The following ZBTB18 variants were observed in gnomAD, a reference collection of about 807,000 sequenced individuals.
ZBTB18 encodes zinc finger and BTB domain-containing protein 18.
A neutral mutation model predicts 37.7 loss-of-function variants in ZBTB18; 2 were observed. That is an observed-to-expected ratio of 0.05 (90% confidence interval 0.02 to 0.17). ZBTB18 has a LOEUF of 0.17. Ranked by LOEUF, ZBTB18 falls within the 10% of genes least tolerant of loss-of-function variation. ZBTB18 has a pLI of 1.00. For missense variants in ZBTB18, 408 were observed against 686.3 expected, an observed-to-expected ratio of 0.59 and a Z score of 4.53; for synonymous variants, 304 against 276.5, an observed-to-expected ratio of 1.10 and a Z score of -0.99.
upstream of ZBTB18, among the ~76,000 whole-genome samples, chr1:244,049,248 T>G (rs1698299629): frequency 1.6e-5 from 2 of 123,474 alleles, no homozygotes; most frequent in African/African-American, 5.9e-5. Context: ...TCGGGCGGGG[T>G]GCGGGTTCCC....
upstream of ZBTB18, among the ~76,000 whole-genome samples, chr1:244,049,958 G>T (rs2148552718): frequency 6.6e-6 from 1 of 152,310 alleles, no homozygotes; most frequent in Non-Finnish European, 1.5e-5. Context: ...TATTGGAATG[G>T]GTCGAGGGCA....
At chr1:244,052,383 C>CA (rs1272332450) in intron 1 of ZBTB18, among the ~76,000 whole-genome samples, 2 of 152,212 alleles carry the variant, frequency 1.3e-5, no homozygotes, top group Non-Finnish European at 2.9e-5. Context: ...TTTATTCTAG[C>CA]AGTGGCATCT....
upstream of ZBTB18, among the ~76,000 whole-genome samples, chr1:244,048,676 C>T (rs1468479582): frequency 2.8e-5 from 4 of 144,040 alleles, no homozygotes; most frequent in Non-Finnish European, 4.7e-5. Context: ...GCTCCGCGCT[C>T]GCTCCCTCGC....
Position 244,055,781 on chromosome 1 carries a change from T to G in ZBTB18, c.*411T>G, listed in dbSNP as rs1318572715. 6.0e-6 allele frequency: 1 copy of G among 166,952 alleles called. No individual in the cohort carries two copies. Among genetic ancestry groups the G allele is most frequent in the African/African-American group, 2.4e-5 (1 of 41,426 alleles). The allele number at this position is 166,952 out of a possible 1,614,324, so 10.3% of individuals were successfully genotyped here. A position where few individuals can be genotyped will look rare whatever the true frequency, so the allele number is the denominator to read the frequency against. Reference sequence around the variant, plus strand: ...CTCCAGTTTTATTAGCCTCTTTATATGTCTCAAATTGCATGAATTTTTTCT... The same window carrying G: ...CTCCAGTTTTATTAGCCTCTTTATAGGTCTCAAATTGCATGAATTTTTTCT... On this transcript the variant is annotated 3_prime_UTR_variant, in exon 2 of 2. Coordinates refer to ENST00000358704, the MANE Select transcript of ZBTB18 (RefSeq NM_205768.3). This position sits in a 1 kb window ranked among gnomAD's most constrained non-coding sequence, Gnocchi z 7.0.
chr1:244,053,911 C>T lies in ZBTB18; in HGVS notation c.137C>T (p.Ala46Val). Residue 46 changes from alanine to valine, a missense_variant, in exon 2 of 2, where the codon GCG (alanine) becomes GTG (valine). Ala to Val is a moderately conservative substitution (Grantham distance 64). Around this residue, in one of 4 missense-constraint regions of ZBTB18, gnomAD observed 95 missense variants for 218.7 expected, o/e 0.43. Coordinates refer to ENST00000358704, the MANE Select transcript of ZBTB18 (RefSeq NM_205768.3). The surrounding 1 kb of genome is among the most constrained non-coding windows in gnomAD (Gnocchi z 5.2). The stretch of plus-strand genomic sequence containing the variant: ...CTGGTGGGAGATGCCCAGTTCCGAG[C>T]GCACCGAGCTGTACTGGCTTCATGC... ...TVLVGDAQFR[A>V]HRAVLASCSM... The T allele has an allele frequency of 6.2e-7, 1 of 1,614,112 alleles. No homozygotes were observed. Among genetic ancestry groups the T allele is most frequent in the Non-Finnish European group, 8.5e-7 (1 of 1,180,036 alleles).
chr1:244,052,769 G>GT (rs886166017), intron 1 of ZBTB18, among the ~76,000 whole-genome samples: 9 of 151,428 alleles, frequency 5.9e-5, no homozygotes, highest in Non-Finnish European at 1.3e-4. Context: ...GTTGGCTGAG[G>GT]TAAGGCAGAA....
chr1:244,054,369 G>T lies in ZBTB18; in HGVS notation c.595G>T (p.Asp199Tyr). Residue 199 changes from aspartate (D) to tyrosine (Y), a missense_variant, in exon 2 of 2, where the codon GAC (aspartate) becomes TAC (tyrosine). Around this residue, in one of 4 missense-constraint regions of ZBTB18, gnomAD observed 266 missense variants for 312.0 expected, o/e 0.85. Coordinates refer to ENST00000358704, the MANE Select transcript of ZBTB18 (RefSeq NM_205768.3). This position sits in a 1 kb window ranked among gnomAD's most constrained non-coding sequence, Gnocchi z 9.0. ...GAACATGTGGATGCGATTGCCCTCAGACTCAGCAGGCATCCCCCAGGCTGG... is the reference window on the plus strand; with the variant it reads ...GAACATGTGGATGCGATTGCCCTCATACTCAGCAGGCATCCCCCAGGCTGG... ...PGNMWMRLPS[D>Y]SAGIPQAGGE... The T allele has an allele frequency of 6.2e-7, 1 of 1,614,174 alleles. No homozygotes were observed. The highest frequency in any genetic ancestry group is 8.5e-7 in the Non-Finnish European group (1 of 1,180,040).
Position 244,055,202 on chromosome 1 carries a change from C to T in ZBTB18, c.1428C>T (p.Ala476=), listed in dbSNP as rs1173231983. ...AVVHTREKPH[A]CKWCERRFTQ... is the part of the protein sequence containing the mutation. ...TGCACACCCGCGAGAAGCCGCACGCCTGCAAGTGGTGCGAGCGCAGGTTCA... is the reference window on the plus strand; with the variant it reads ...TGCACACCCGCGAGAAGCCGCACGCTTGCAAGTGGTGCGAGCGCAGGTTCA... The change falls in exon 2 of 2, where the codon GCC becomes GCT. Residue 476 remains alanine (A), a synonymous_variant. Transcript: ENST00000358704. The surrounding 1 kb of genome is among the most constrained non-coding windows in gnomAD (Gnocchi z 7.0). The T allele has an allele frequency of 1.2e-6, 2 of 1,614,116 alleles. No individual in the cohort carries two copies. The highest frequency in any genetic ancestry group is 1.1e-5 in the South Asian group (1 of 91,086).
In ZBTB18 at chr1:244,054,797, C is replaced by T. The variant is rs1324467804; in HGVS notation, c.1023C>T (p.Ala341=). The change falls in exon 2 of 2, where the codon GCC becomes GCT. Residue 341 remains alanine (A), a synonymous_variant. Transcript: ENST00000358704. This position sits in a 1 kb window ranked among gnomAD's most constrained non-coding sequence, Gnocchi z 9.0. The part of the protein sequence containing the change: ...VLRELDREDK[A]SDDEMMTPES... ...GGGAGCTGGACCGGGAGGACAAAGC[C>T]AGTGATGATGAGATGATGACCCCAG... 1.2e-6 allele frequency: 2 copies of T among 1,614,010 alleles called. No individual in the cohort carries two copies. Among genetic ancestry groups the T allele is most frequent in the Non-Finnish European group, 1.7e-6 (2 of 1,180,026 alleles).
chr1:244,051,537 T>C, intron 1 of ZBTB18, 93 bp downstream of exon 1: 2 of 1,447,840 alleles, frequency 1.4e-6, no homozygotes. Context: ...TAACCCAGTT[T>C]AGGAATAATA....
upstream of ZBTB18, chr1:244,048,880 A>G (rs1389793302): frequency 6.8e-6 from 1 of 146,236 alleles, no homozygotes; most frequent in African/African-American, 2.5e-5. Flanking sequence ...GAGGGGGGCA[A>G]GAGCCGGAGG....
At position 244,053,352 on chromosome 1, in the gene ZBTB18, ATGTT is replaced by A. The variant is rs1476381790; in HGVS notation, c.14-435_14-432del. Among the ~76,000 whole-genome samples the A allele has an allele frequency of 6.6e-6, 1 of 152,152 alleles. No individual in the cohort carries two copies. Among genetic ancestry groups the A allele is most frequent in the Non-Finnish European group, 1.5e-5 (1 of 68,026 alleles). Reference sequence around the variant, plus strand: ...AGGATGGTTGAACAAGTTTTCTTGTATGTTCCAGGATATGTTTGGGACTTTTCTT... The same window carrying A: ...AGGATGGTTGAACAAGTTTTCTTGTACCAGGATATGTTTGGGACTTTTCTT... On this transcript the variant is annotated intron_variant, in intron 1 of 1. Transcript: ENST00000358704. The surrounding 1 kb of genome is among the most constrained non-coding windows in gnomAD (Gnocchi z 5.2).
Position 244,054,483 on chromosome 1 carries a change from A to T in ZBTB18, c.709A>T (p.Thr237Ser). 6.2e-7 allele frequency: 1 copy of T among 1,614,106 alleles called. No individual in the cohort carries two copies. The highest frequency in any genetic ancestry group is 8.5e-7 in the Non-Finnish European group (1 of 1,180,022). ...AGAGTCTTTGTCCCAGAGGTCTGTC[A>T]CCTCCGTGAGGGATTCGGCAGATGT... ...STESLSQRSVTSVRDSADVDC... is the reference protein window; with the variant it reads ...STESLSQRSVSSVRDSADVDC... Residue 237 changes from threonine to serine, a missense_variant, in exon 2 of 2, where the codon ACC (threonine) becomes TCC (serine). This residue lies in a region of ZBTB18 where 266 missense variants were observed against 312.0 expected (regional missense o/e 0.85). Transcript: ENST00000358704. This position sits in a 1 kb window ranked among gnomAD's most constrained non-coding sequence, Gnocchi z 9.0.
rs763769473 is a variant in ZBTB18 at position 244,053,651 on chromosome 1, C to T, written c.14-137C>T. 1.7e-5 allele frequency: 22 copies of T among 1,308,324 alleles called. No homozygotes were observed. Among genetic ancestry groups the T allele is most frequent in the Non-Finnish European group, 2.1e-5 (20 of 974,304 alleles). The allele number at this position is 1,308,324 out of a possible 1,614,324, so 81.0% of individuals were successfully genotyped here. A position where few individuals can be genotyped will look rare whatever the true frequency, so the allele number is the denominator to read the frequency against. ...GTCTTGTCCGTGTGATTTGGTGGTG[C>T]TTGGGTCATAAGCCTGATTAAAATT... On this transcript the variant is annotated intron_variant, in intron 1 of 1. Transcript: ENST00000358704. This position sits in a 1 kb window ranked among gnomAD's most constrained non-coding sequence, Gnocchi z 5.2.
At position 244,054,968 on chromosome 1, in the gene ZBTB18, G is replaced by T; in HGVS notation, c.1194G>T (p.Leu398=). ...GCCCCCACATCCTGCAGATCCACCTGAGCACGCACTTCCGCGAGCAGGACG... is the reference window on the plus strand; with the variant it reads ...GCCCCCACATCCTGCAGATCCACCTTAGCACGCACTTCCGCGAGCAGGACG... The part of the protein sequence containing the change: ...FPSPHILQIH[L]STHFREQDGI... Residue 398 remains leucine, a synonymous_variant, in exon 2 of 2, where the codon CTG becomes CTT. Transcript: ENST00000358704. This position sits in a 1 kb window ranked among gnomAD's most constrained non-coding sequence, Gnocchi z 9.0. The T allele has an allele frequency of 6.2e-7, 1 of 1,614,096 alleles. No homozygotes were observed. Among genetic ancestry groups the T allele is most frequent in the Non-Finnish European group, 8.5e-7 (1 of 1,180,006 alleles).
upstream of ZBTB18, chr1:244,049,081 GC>G (rs1698295544): frequency 1.4e-5 from 2 of 145,630 alleles, no homozygotes; most frequent in South Asian, 3.7e-4. Context: ...CAGCTGTGCG[GC>G]CCCGGCCGGC....
chr1:244,048,715 C>A (rs1352907605), upstream of ZBTB18, among the ~76,000 whole-genome samples: 2 of 141,140 alleles, frequency 1.4e-5, no homozygotes, highest in Admixed American at 1.4e-4. Flanking sequence ...TGGCAGGCTG[C>A]GGCCGCCGCT....
Position 244,054,242 on chromosome 1 carries a change from C to T in ZBTB18, c.468C>T (p.Gly156=). The part of the protein sequence containing the change: ...CSDKVESLSD[G]SSHIAGDLPS... ...ACAAAGTCGAGAGTCTCTCCGATGG[C>T]AGCAGCCACATAGCAGGCGATTTGC... The change falls in exon 2 of 2, where the codon GGC becomes GGT. Residue 156 remains glycine, a synonymous_variant. Coordinates refer to ENST00000358704, the MANE Select transcript of ZBTB18 (RefSeq NM_205768.3). This position sits in a 1 kb window ranked among gnomAD's most constrained non-coding sequence, Gnocchi z 9.0. 6.2e-7 allele frequency: 1 copy of T among 1,614,178 alleles called. No individual in the cohort carries two copies. The highest frequency in any genetic ancestry group is 8.5e-7 in the Non-Finnish European group (1 of 1,180,040).
At position 244,054,900 on chromosome 1, in the gene ZBTB18, G is replaced by A. The variant is rs750387178; in HGVS notation, c.1126G>A (p.Gly376Ser). The change falls in exon 2 of 2, where the codon GGC (glycine) becomes AGC (serine). Residue 376 changes from glycine (G) to serine (S), a missense_variant. Gly to Ser is a moderately conservative substitution (Grantham distance 56). Around this residue, in one of 4 missense-constraint regions of ZBTB18, gnomAD observed 266 missense variants for 312.0 expected, o/e 0.85. Coordinates refer to ENST00000358704, the MANE Select transcript of ZBTB18 (RefSeq NM_205768.3). The surrounding 1 kb of genome is among the most constrained non-coding windows in gnomAD (Gnocchi z 9.0). Reference protein sequence around the residue: ...PYVSNILSPAGQIFMCPLCNK... With the variant: ...PYVSNILSPASQIFMCPLCNK... ...CGTCTCCAACATCCTGAGCCCCGCG[G>A]GCCAGATCTTCATGTGCCCCCTGTG... 5.0e-6 allele frequency: 8 copies of A among 1,614,126 alleles called. No homozygotes were observed. Among genetic ancestry groups the A allele is most frequent in the Non-Finnish European group, 6.8e-6 (8 of 1,180,002 alleles).
Sources: gnomAD v4.1 joint callset for allele counts (sites outside exome capture counted in the v4.1 genomes callset) on GRCh38, gnomAD v4.1.1 for gene constraint, gnomAD v4.1.1 regional missense constraint, Gnocchi (gnomAD v3.1) non-coding constraint, MANE v1.5 for transcripts, NCBI Gene and HGNC (gene_info 2026-07-23, HGNC 2026-07-21) for gene names.